The following GPBP1L1 variants were observed in gnomAD, a reference collection of about 807,000 sequenced individuals.
The protein encoded by GPBP1L1 is vasculin-like protein 1.
A neutral mutation model predicts 52.5 loss-of-function variants in GPBP1L1; 23 were observed. The observed-to-expected ratio is 0.44, with a 90% CI of 0.32 to 0.62. The LOEUF is 0.62. GPBP1L1 is among the 20% of genes least tolerant of loss of function. The pLI is 0.06. For missense variants in GPBP1L1, 596 were observed against 579.3 expected (o/e 1.03, Z -0.30); for synonymous variants, 243 against 203.1 (o/e 1.20, Z -1.67).
chr1:45,678,772 AAT>A (rs1203598907), intron 2 of GPBP1L1, among the ~76,000 whole-genome samples: 1 of 152,220 alleles, frequency 6.6e-6, no homozygotes, highest in Non-Finnish European at 1.5e-5. Context: ...AGCTAGCTGT[AAT>A]AAACATTTTT....
chr1:45,641,968 G>A (rs940710701), intron 7 of GPBP1L1, among the ~76,000 whole-genome samples: 6 of 152,152 alleles, frequency 3.9e-5, no homozygotes, highest in African/African-American at 1.4e-4. Flanking sequence ...TGGATCACTT[G>A]AGGCCAAGAA....
intron 6 of GPBP1L1, among the ~76,000 whole-genome samples, chr1:45,644,803 ACTGT>A (rs909964251): frequency 5.9e-5 from 9 of 152,188 alleles, no homozygotes; most frequent in Non-Finnish European, 1.2e-4. Flanking sequence ...ATAGCCTAAA[ACTGT>A]CAGCTCAATA....
chr1:45,646,167 G>T, intron 6 of GPBP1L1: 1 of 365,318 alleles, frequency 2.7e-6, no homozygotes, highest in South Asian at 2.1e-5. Context: ...ATACTCTTGA[G>T]AGCAACAGGT....
In GPBP1L1 at chr1:45,661,064, G is replaced by C. The variant is rs1220887507; in HGVS notation, c.-936C>G. 2 of 152,176 alleles carry C rather than the reference G, an allele frequency of 1.3e-5. No individual in the cohort carries two copies. The highest frequency in any genetic ancestry group is 2.9e-5 in the Non-Finnish European group (2 of 68,032). 9.4% of individuals were successfully genotyped at this position (152,176 alleles called of 1,614,324 possible). ...CCAAAATGAGGATTTCTTCTCTTCA[G>C]TTTTCTGTGTTTCACTTGTTCTGCT... is the stretch of plus-strand genomic sequence containing the variant. On this transcript the variant is annotated 5_prime_UTR_variant, in exon 3 of 13. Transcript: ENST00000355105.
chr1:45,684,274 A>AAG (rs1553185638), intron 2 of GPBP1L1, among the ~76,000 whole-genome samples: 4 of 150,578 alleles, frequency 2.7e-5, no homozygotes, highest in South Asian at 2.1e-4. Flanking sequence ...AAAAAAAAAA[A>AAG]AAAGAAAAAG....
At chr1:45,646,726 T>C (rs1644751649) in intron 6 of GPBP1L1, among the ~76,000 whole-genome samples, 1 of 151,788 alleles carries the variant, frequency 6.6e-6, no homozygotes, top group African/African-American at 2.4e-5. Context: ...CCTGGCTAAT[T>C]TTTTGTATTT....
At chr1:45,687,066 T>C (rs1028179337), upstream of GPBP1L1, 2 of 152,246 alleles carry the variant, frequency 1.3e-5, no homozygotes, top group African/African-American at 2.4e-5. Flanking sequence ...CGCTCCTTAC[T>C]TCTCGTGTGC....
At chr1:45,639,349 G>C (rs1165733922) in intron 8 of GPBP1L1, among the ~76,000 whole-genome samples, 3 of 152,104 alleles carry the variant, frequency 2.0e-5, no homozygotes, top group African/African-American at 7.2e-5. Context: ...GTAATTCCTT[G>C]GCTGAGGAGA....
chr1:45,655,288 T>G lies in GPBP1L1; in HGVS notation c.92A>C (p.Glu31Ala). 2 of 1,614,060 alleles carry G rather than the reference T, an allele frequency of 1.2e-6. No homozygotes were observed. The highest frequency in any genetic ancestry group is 1.1e-5 in the South Asian group (1 of 91,082). Residue 31 changes from glutamate (E) to alanine (A), a missense_variant, in exon 5 of 13, where the codon GAG becomes GCG. Transcript: ENST00000355105. ...TCTACCTTCTCCTCTGGGTAGGTGC[T>G]CTCCGTGTTTTTCGAAGGTGGCAGT... ...SPTATFEKHGEHLPRGEGRFG... is the reference protein window; with the variant it reads ...SPTATFEKHGAHLPRGEGRFG...
chr1:45,645,998 C>G (rs903322177), intron 6 of GPBP1L1: 11 of 507,310 alleles, frequency 2.2e-5, no homozygotes, highest in African/African-American at 3.9e-5. Context: ...ACTTGTTTAG[C>G]CTGCCTGTGA....
intron 2 of GPBP1L1, among the ~76,000 whole-genome samples, chr1:45,670,213 G>T (rs549910329): frequency 4.6e-5 from 7 of 152,216 alleles, no homozygotes; most frequent in African/African-American, 1.4e-4. Flanking sequence ...GGTTTAACAC[G>T]ATCACCTACT....
intron 2 of GPBP1L1, among the ~76,000 whole-genome samples, chr1:45,678,459 T>C (rs1038228348): frequency 6.6e-6 from 1 of 152,220 alleles, no homozygotes; most frequent in African/African-American, 2.4e-5. Context: ...GAACCAATCT[T>C]AGCATTACAA....
At chr1:45,650,177 C>G (rs912515881) in intron 6 of GPBP1L1, among the ~76,000 whole-genome samples, 1 of 152,254 alleles carries the variant, frequency 6.6e-6, no homozygotes, top group South Asian at 2.1e-4. Flanking sequence ...CTTCTCTCCA[C>G]CAATTTCTTA....
chr1:45,680,956 A>C (rs778629502), intron 2 of GPBP1L1, among the ~76,000 whole-genome samples: 1 of 152,212 alleles, frequency 6.6e-6, no homozygotes, highest in Non-Finnish European at 1.5e-5. Context: ...TGCTGAGACA[A>C]CTATTCATTA....
At position 45,642,446 on chromosome 1, in the gene GPBP1L1, C is replaced by G; in HGVS notation, c.531G>C (p.Gly177=). The G allele has an allele frequency of 6.2e-7, 1 of 1,613,714 alleles. No individual in the cohort carries two copies. The highest frequency in any genetic ancestry group is 8.5e-7 in the Non-Finnish European group (1 of 1,179,744). ...ACCTACCCCATACTCCAGAAGGTGT[C>G]CCAATAGGTCTGCATGGCTGATGCT... The part of the protein sequence containing the change: ...GKQHQPCRPI[G]TPSGVWENPP... Residue 177 remains glycine (G), a synonymous_variant, in exon 7 of 13, where the codon GGG becomes GGC. Coordinates refer to ENST00000355105, the MANE Select transcript of GPBP1L1 (RefSeq NM_021639.5).
chr1:45,635,456 AC>A (rs562136459), intron 8 of GPBP1L1: 58 of 152,134 alleles, frequency 3.8e-4, no homozygotes, highest in African/African-American at 1.4e-3. Context: ...AAACAATGTC[AC>A]TCCAGAGCAC....
intron 2 of GPBP1L1, among the ~76,000 whole-genome samples, chr1:45,664,668 TTTTTGTTTTG>T (rs141979663): frequency 1.3e-5 from 2 of 151,514 alleles, no homozygotes; most frequent in Non-Finnish European, 2.9e-5. Flanking sequence ...TCTCACAGTT[TTTTTGTTTTG>T]TTTTGTTTTG....
intron 2 of GPBP1L1, among the ~76,000 whole-genome samples, chr1:45,675,430 T>G (rs1645127600): frequency 6.6e-6 from 1 of 152,254 alleles, no homozygotes. Flanking sequence ...TAGGGATTAA[T>G]AGCAAAGGTG....
chr1:45,638,777 T>C (rs2148434228), intron 8 of GPBP1L1, among the ~76,000 whole-genome samples: 1 of 152,270 alleles, frequency 6.6e-6, no homozygotes, highest in African/African-American at 2.4e-5. Flanking sequence ...CCAATCACTA[T>C]TTTAAATAAA....
Sources: allele counts gnomAD v4.1 joint callset (sites outside exome capture counted in the v4.1 genomes callset), GRCh38; gene constraint gnomAD v4.1.1; transcripts MANE v1.5; gene names NCBI Gene and HGNC (gene_info 2026-07-23, HGNC 2026-07-21).